Variants in WWTR1 observed in about 807,000 individuals in gnomAD.
WWTR1 encodes the protein WW domain-containing transcription regulator protein 1.
A neutral mutation model predicts 40.1 loss-of-function variants in WWTR1; 13 were observed. That is an observed-to-expected ratio of 0.32 (90% CI 0.21 to 0.52). The LOEUF (loss-of-function observed/expected upper bound fraction) is 0.52, where lower values mean the gene tolerates loss of function less well. Ranked by LOEUF, WWTR1 falls within the 20% of genes least tolerant of loss-of-function variation. The pLI is 0.97. For synonymous variants in WWTR1, 230 were observed against 210.1 expected, an observed-to-expected ratio of 1.09 and a Z score of -0.82; for missense variants, 436 against 523.1, an observed-to-expected ratio of 0.83 and a Z score of 1.63.
chr3:149,668,457 A>C (rs1388913953), intron 2 of WWTR1, among the ~76,000 whole-genome samples: 1 of 151,930 alleles, frequency 6.6e-6, no homozygotes, highest in Non-Finnish European at 1.5e-5. Flanking sequence ...AAATACAAAA[A>C]ATTAGCCGGG....
chr3:149,608,053 C>A (rs573648181), intron 2 of WWTR1, among the ~76,000 whole-genome samples: 6 of 152,152 alleles, frequency 3.9e-5, no homozygotes, highest in African/African-American at 1.4e-4. Context: ...CTATTTGTTA[C>A]ATGAATGAAT....
upstream of WWTR1, among the ~76,000 whole-genome samples, chr3:149,661,900 T>C (rs996990679): frequency 3.9e-5 from 6 of 151,978 alleles, no homozygotes; most frequent in Non-Finnish European, 8.8e-5. Context: ...ACCTGGCTAA[T>C]TTTTGTATAT....
chr3:149,667,047 T>C (rs1056350657), intron 2 of WWTR1, among the ~76,000 whole-genome samples: 9 of 152,186 alleles, frequency 5.9e-5, no homozygotes, highest in Non-Finnish European at 1.3e-4. Context: ...AAATAAAAAC[T>C]TAAATGTGTT....
chr3:149,617,957 G>T (rs1312102370), intron 2 of WWTR1, among the ~76,000 whole-genome samples: 1 of 152,144 alleles, frequency 6.6e-6, no homozygotes, highest in Non-Finnish European at 1.5e-5. Flanking sequence ...TATAGTACAT[G>T]CACATAGAAA....
At chr3:149,657,474 C>A (rs1321205266) in intron 1 of WWTR1, 165 bp from the exon 2 acceptor site, 2 of 806,966 alleles carry the variant, frequency 2.5e-6, no homozygotes, top group African/African-American at 3.5e-5. Flanking sequence ...GCGGTAAGAC[C>A]AGCAGGATGG....
At chr3:149,650,617 A>G (rs1712808283) in intron 2 of WWTR1, among the ~76,000 whole-genome samples, 1 of 151,740 alleles carries the variant, frequency 6.6e-6, no homozygotes, top group African/African-American at 2.4e-5. Context: ...AATGTCAATT[A>G]CCTTTCCTGC....
At chr3:149,616,213 C>A (rs1739961417) in intron 2 of WWTR1, among the ~76,000 whole-genome samples, 1 of 152,258 alleles carries the variant, frequency 6.6e-6, no homozygotes, top group South Asian at 2.1e-4. Context: ...AATTCTGTTC[C>A]CTCAAATGTC....
intron 3 of WWTR1, among the ~76,000 whole-genome samples, chr3:149,570,207 G>C (rs1218019032): frequency 6.6e-6 from 1 of 152,076 alleles, no homozygotes; most frequent in Non-Finnish European, 1.5e-5. Flanking sequence ...CTTTGCAATG[G>C]GCAAATACAC....
intron 4 of WWTR1, among the ~76,000 whole-genome samples, chr3:149,529,584 A>T (rs1358159325): frequency 6.6e-6 from 1 of 152,198 alleles, no homozygotes; most frequent in Non-Finnish European, 1.5e-5. Context: ...GTAAAAAGTG[A>T]TTTTCATCAT....
intron 2 of WWTR1, among the ~76,000 whole-genome samples, chr3:149,668,151 A>G (rs973104809): frequency 6.6e-6 from 1 of 152,240 alleles, no homozygotes; most frequent in African/African-American, 2.4e-5. Context: ...CTAGATTTTT[A>G]GGTATCCACT....
chr3:149,576,756 T>G (rs1383173201), intron 2 of WWTR1, among the ~76,000 whole-genome samples: 4 of 152,210 alleles, frequency 2.6e-5, no homozygotes. Context: ...TGGTAATTTT[T>G]TTTTTCTTAT....
intron 2 of WWTR1, among the ~76,000 whole-genome samples, chr3:149,589,019 C>T (rs1382808349): frequency 1.3e-5 from 2 of 152,184 alleles, no homozygotes; most frequent in Admixed American, 6.5e-5. Context: ...CAATATTTTA[C>T]GGCTGCCTCT....
chr3:149,613,536 T>G (rs1169509967), intron 2 of WWTR1, among the ~76,000 whole-genome samples: 1 of 152,110 alleles, frequency 6.6e-6, no homozygotes, highest in East Asian at 1.9e-4. Flanking sequence ...CTAACTTATA[T>G]TCTTTTGTTA....
chr3:149,721,677 T>A (rs1227521231), intron 4 of WWTR1, among the ~76,000 whole-genome samples: 2 of 152,098 alleles, frequency 1.3e-5, no homozygotes, highest in East Asian at 3.9e-4. Flanking sequence ...GAAGGATTGG[T>A]GTTAGTTCTT....
intron 1 of WWTR1, chr3:149,702,019 T>C (rs1429959614): frequency 5.8e-6 from 1 of 171,092 alleles, no homozygotes; most frequent in Non-Finnish European, 1.3e-5. Flanking sequence ...TAAAATTGGT[T>C]TCAACTCCTC....
chr3:149,695,489 A>G (rs2864413), intron 1 of WWTR1, among the ~76,000 whole-genome samples: 21,236 of 152,076 alleles, frequency 0.14, 2,052 homozygotes, highest in African/African-American at 0.28. Context: ...GGATGGGCGC[A>G]GTGGCTTACA....
chr3:149,718,573 A>G (rs1715668510), intron 4 of WWTR1, among the ~76,000 whole-genome samples: 1 of 152,172 alleles, frequency 6.6e-6, no homozygotes, highest in Admixed American at 6.5e-5. Context: ...ACCAGCATCC[A>G]TCTCCAGATC....
At chr3:149,638,799 C>A (rs1711989370) in intron 2 of WWTR1, among the ~76,000 whole-genome samples, 1 of 152,106 alleles carries the variant, frequency 6.6e-6, no homozygotes. Flanking sequence ...CTGTAATAAC[C>A]CCCATAATCA....
chr3:149,706,072 T>G (rs891906149), upstream of WWTR1, among the ~76,000 whole-genome samples: 1 of 152,078 alleles, frequency 6.6e-6, no homozygotes, highest in African/African-American at 2.4e-5. Flanking sequence ...GTGCCTGTAG[T>G]CCCAGCTACT....
Sources: allele counts gnomAD v4.1 joint callset (sites outside exome capture counted in the v4.1 genomes callset), GRCh38; gene constraint gnomAD v4.1.1; transcripts MANE v1.5; gene names NCBI Gene and HGNC (gene_info 2026-07-23, HGNC 2026-07-21).